The following GPC5 variants were observed in gnomAD, a reference collection of about 807,000 sequenced individuals.
The protein encoded by GPC5 is glypican 5, also known as glypican-5.
A neutral mutation model predicts 53.9 loss-of-function variants in GPC5; 47 were observed. That is an observed-to-expected ratio of 0.87 (90% CI 0.69 to 1.11). GPC5 has a LOEUF of 1.11. Among genes scored for constraint, GPC5 ranks in the 50% most tolerant of loss-of-function variants. GPC5 has a pLI of 0.00. For missense variants in GPC5, 748 were observed against 713.1 expected (o/e 1.05, Z -0.56); for synonymous variants, 286 against 263.3 (o/e 1.09, Z -0.84).
At chr13:91,679,149 T>C (rs1343159639) in intron 2 of GPC5, among the ~76,000 whole-genome samples, 1 of 151,732 alleles carries the variant, frequency 6.6e-6, no homozygotes. Context: ...CAATGAGAAA[T>C]AATTTTTTAA....
chr13:92,826,351 G>A (rs1030555138), intron 7 of GPC5, among the ~76,000 whole-genome samples: 3 of 152,036 alleles, frequency 2.0e-5, no homozygotes, highest in Admixed American at 6.6e-5. Context: ...CCATGAGTTC[G>A]GCAGCTGTGA....
chr13:92,201,551 G>A (rs1422294121), intron 7 of GPC5, among the ~76,000 whole-genome samples: 1 of 152,108 alleles, frequency 6.6e-6, no homozygotes, highest in African/African-American at 2.4e-5. Flanking sequence ...CAAATATTTA[G>A]CATCTGAAGA....
chr13:92,585,883 G>A (rs1463577827), intron 7 of GPC5, among the ~76,000 whole-genome samples: 2 of 152,142 alleles, frequency 1.3e-5, no homozygotes, highest in Non-Finnish European at 2.9e-5. Flanking sequence ...GACATGACTT[G>A]TTCATCCTTG....
At chr13:91,568,460 G>A (rs1279477493) in intron 2 of GPC5, among the ~76,000 whole-genome samples, 1 of 151,848 alleles carries the variant, frequency 6.6e-6, no homozygotes, top group Non-Finnish European at 1.5e-5. Context: ...AGGGTTTCTA[G>A]GATATGATCC....
At chr13:91,729,569 C>A (rs1226859017) in intron 4 of GPC5, among the ~76,000 whole-genome samples, 1 of 152,074 alleles carries the variant, frequency 6.6e-6, no homozygotes, top group Non-Finnish European at 1.5e-5. Context: ...TGGGATAGGA[C>A]ACCTAATTGC....
rs150950728 is a variant in GPC5 at position 91,596,198 on chromosome 13, T to C, written c.326-96989T>C. Among the ~76,000 whole-genome samples the C allele has an allele frequency of 2.2e-3, 333 of 152,308 alleles. 3 individuals are homozygous for C. Among genetic ancestry groups the C allele is most frequent in the African/African-American group, 7.6e-3 (314 of 41,588 alleles). On this transcript the variant is annotated intron_variant, in intron 2 of 7. Coordinates refer to ENST00000377067, the MANE Select transcript of GPC5 (RefSeq NM_004466.6). ...GTAATTAATAAAGCAATGTATCTTT[T>C]TGATATATATTTTTTCATTCTTATA...
At chr13:92,233,995 T>G (rs1221546638) in intron 7 of GPC5, among the ~76,000 whole-genome samples, 1 of 152,222 alleles carries the variant, frequency 6.6e-6, no homozygotes, top group Non-Finnish European at 1.5e-5. Flanking sequence ...AACTCGTCAT[T>G]TTTTATGGCT....
At chr13:92,815,284 A>G (rs1302366028) in intron 7 of GPC5, among the ~76,000 whole-genome samples, 1 of 152,030 alleles carries the variant, frequency 6.6e-6, no homozygotes, top group Non-Finnish European at 1.5e-5. Context: ...CCATGAAGAG[A>G]GGATATTTTA....
intron 7 of GPC5, among the ~76,000 whole-genome samples, chr13:92,159,972 G>A (rs544416943): frequency 1.3e-5 from 2 of 151,178 alleles, no homozygotes; most frequent in African/African-American, 2.4e-5. Flanking sequence ...GCCCCATCTC[G>A]GTTCACTGCA....
intron 5 of GPC5, 156 bp downstream of exon 5, chr13:91,756,576 A>G (rs2037297833): frequency 3.6e-6 from 2 of 551,038 alleles, no homozygotes; most frequent in Admixed American, 3.4e-5. Context: ...GGAAAAGAAC[A>G]ACAAAACCTG....
At chr13:92,625,068 C>T (rs547612180) in intron 7 of GPC5, among the ~76,000 whole-genome samples, 51 of 152,260 alleles carry the variant, frequency 3.3e-4, no homozygotes, top group African/African-American at 1.2e-3. Context: ...AATTAACCTT[C>T]TGATAGGAAG....
chr13:92,259,488 A>T (rs2042750077), intron 7 of GPC5, among the ~76,000 whole-genome samples: 1 of 152,178 alleles, frequency 6.6e-6, no homozygotes, highest in Non-Finnish European at 1.5e-5. Flanking sequence ...ACTCTTGGAT[A>T]ATAAAATTCC....
At chr13:92,849,691 T>A (rs1316158167) in intron 7 of GPC5, among the ~76,000 whole-genome samples, 1 of 152,222 alleles carries the variant, frequency 6.6e-6, no homozygotes, top group Non-Finnish European at 1.5e-5. Context: ...TGCTGAATGA[T>A]ATGCATATGG....
chr13:92,528,679 A>G (rs935313540), intron 7 of GPC5, among the ~76,000 whole-genome samples: 17 of 152,170 alleles, frequency 1.1e-4, no homozygotes, highest in African/African-American at 4.1e-4. Context: ...GAACTTTTGG[A>G]CTGTAACATG....
intron 2 of GPC5, among the ~76,000 whole-genome samples, chr13:91,657,922 T>C (rs1566587243): frequency 6.6e-6 from 1 of 152,184 alleles, no homozygotes; most frequent in Non-Finnish European, 1.5e-5. Context: ...GCTGTTTGTA[T>C]AAAAAGGAAT....
intron 7 of GPC5, among the ~76,000 whole-genome samples, chr13:92,277,031 C>G (rs2042880770): frequency 6.6e-6 from 1 of 151,702 alleles, no homozygotes; most frequent in South Asian, 2.1e-4. Flanking sequence ...ACAGGAAATG[C>G]TAAAGCAACA....
chr13:92,119,239 G>A (rs1288460874), intron 6 of GPC5, among the ~76,000 whole-genome samples: 2 of 152,076 alleles, frequency 1.3e-5, no homozygotes, highest in Admixed American at 1.3e-4. Flanking sequence ...CATGGGAACA[G>A]CATGGGGAAG....
chr13:92,713,600 T>G (rs1594446214), intron 7 of GPC5, among the ~76,000 whole-genome samples: 1 of 117,218 alleles, frequency 8.5e-6, no homozygotes, highest in African/African-American at 3.6e-5. Flanking sequence ...AGAGCGAGAC[T>G]CCAATCTCAA....
intron 7 of GPC5, among the ~76,000 whole-genome samples, chr13:92,254,232 T>A: frequency 6.6e-6 from 1 of 152,128 alleles, no homozygotes; most frequent in East Asian, 1.9e-4. Flanking sequence ...GGGAACAAAT[T>A]GAGGTTTTCT....
Sources: gnomAD v4.1 joint callset for allele counts (sites outside exome capture counted in the v4.1 genomes callset) on GRCh38, gnomAD v4.1.1 for gene constraint, MANE v1.5 for transcripts, NCBI Gene and HGNC (gene_info 2026-07-23, HGNC 2026-07-21) for gene names.